The following ZEB1 variants were observed in gnomAD, a reference collection of about 807,000 sequenced individuals.
The protein encoded by ZEB1 is zinc finger E-box-binding homeobox 1.
A neutral mutation model predicts 84.9 loss-of-function variants in ZEB1; 21 were observed. The ratio of observed to expected loss-of-function variants is 0.25; its 90% CI spans 0.18 to 0.36. The LOEUF is 0.36. Among genes scored for constraint, ZEB1 ranks in the 10% least tolerant of loss-of-function variants. The pLI is 1.00. For missense variants in ZEB1, 1,104 were observed against 1,330.2 expected, an observed-to-expected ratio of 0.83 and a Z score of 2.65; for synonymous variants, 420 against 471.1, an observed-to-expected ratio of 0.89 and a Z score of 1.41.
chr10:31,524,655 A>G (rs1235639123), intron 8 of ZEB1, among the ~76,000 whole-genome samples: 1 of 151,760 alleles, frequency 6.6e-6, no homozygotes, highest in African/African-American at 2.4e-5. Context: ...ATTTCCTTTA[A>G]GCTGACACAG....
intron 1 of ZEB1, chr10:31,363,780 C>A (rs1051678620): frequency 2.3e-6 from 3 of 1,309,488 alleles, no homozygotes; most frequent in East Asian, 2.6e-5. Context: ...GACGCAGGAC[C>A]CTCTGTGGGG....
In ZEB1 at chr10:31,361,819, C is replaced by G. The variant is rs371589314; in HGVS notation, c.58+42527C>G. Among the ~76,000 whole-genome samples the G allele has an allele frequency of 8.6e-5, 13 of 150,894 alleles. No individual in the cohort carries two copies. In the East Asian group the frequency reaches 2.0e-3, roughly 23 times the overall value. The stretch of plus-strand genomic sequence containing the variant: ...ACAGGACGGCAGCAGGGCAGAGGCG[C>G]TCCTCATTTCCCAGACGGTGAGGAG... On this transcript the variant is annotated intron_variant, in intron 1 of 8. Transcript: ENST00000424869.
chr10:31,320,637 G>A (rs2033710801), intron 1 of ZEB1: 1 of 152,312 alleles, frequency 6.6e-6, no homozygotes, highest in Non-Finnish European at 1.5e-5. Flanking sequence ...CAGCCCGAGG[G>A]ATCGAGACCT....
intron 1 of ZEB1, among the ~76,000 whole-genome samples, chr10:31,399,538 A>G (rs1317186613): frequency 6.6e-6 from 1 of 152,124 alleles, no homozygotes; most frequent in East Asian, 1.9e-4. Context: ...ATTGCTTACC[A>G]TCTCTACTCC....
At chr10:31,506,355 TA>T (rs2068980395) in intron 4 of ZEB1, among the ~76,000 whole-genome samples, 2 of 151,978 alleles carry the variant, frequency 1.3e-5, no homozygotes, top group African/African-American at 4.8e-5. Context: ...CTAATGCTGA[TA>T]GGGGTGTTGA....
chr10:31,512,597 A>G (rs190769166), intron 5 of ZEB1, among the ~76,000 whole-genome samples: 2 of 152,344 alleles, frequency 1.3e-5, no homozygotes, highest in African/African-American at 4.8e-5. Context: ...TGTTTATTCA[A>G]CAAACATTTG....
Position 31,417,455 on chromosome 10 carries a change from C to G in ZEB1, c.59-43582C>G, listed in dbSNP as rs528931090. Among the ~76,000 whole-genome samples the G allele has an allele frequency of 5.6e-4, 85 of 151,826 alleles. 1 individual carries two copies. The highest frequency in any genetic ancestry group is 1.1e-3 in the Non-Finnish European group (74 of 67,984). ...TCCTGAGAGTATCTAGAGGAAATTGCGTATTCTGGTTAATGAGTGGCTTAT... is the reference window on the plus strand; with the variant it reads ...TCCTGAGAGTATCTAGAGGAAATTGGGTATTCTGGTTAATGAGTGGCTTAT... On this transcript the variant is annotated intron_variant, in intron 1 of 8. Transcript: ENST00000424869.
chr10:31,347,204 CA>C, intron 1 of ZEB1, among the ~76,000 whole-genome samples: 1 of 152,068 alleles, frequency 6.6e-6, no homozygotes, highest in East Asian at 1.9e-4. Flanking sequence ...GAAACTAAAG[CA>C]ATGTATTTCT....
At chr10:31,325,044 T>G (rs1319969035) in intron 1 of ZEB1, among the ~76,000 whole-genome samples, 1 of 152,064 alleles carries the variant, frequency 6.6e-6, no homozygotes, top group African/African-American at 2.4e-5. Flanking sequence ...AATAAAAATT[T>G]CAATATGTTA....
chr10:31,336,574 C>G (rs1037195404), intron 1 of ZEB1, among the ~76,000 whole-genome samples: 11 of 152,046 alleles, frequency 7.2e-5, no homozygotes, highest in Non-Finnish European at 1.3e-4. Context: ...TTTTGTTTCA[C>G]TAATAGATAC....
At chr10:31,448,389 G>A (rs1488240710) in intron 1 of ZEB1, among the ~76,000 whole-genome samples, 11 of 129,774 alleles carry the variant, frequency 8.5e-5, no homozygotes, top group East Asian at 4.5e-4. Flanking sequence ...TAATTTGATC[G>A]TCTGAAGCCT....
intron 4 of ZEB1, among the ~76,000 whole-genome samples, chr10:31,507,541 C>G (rs1294184395): frequency 6.6e-6 from 1 of 151,492 alleles, no homozygotes; most frequent in Non-Finnish European, 1.5e-5. Flanking sequence ...ATTCTTTTTT[C>G]TCTTACTAGG....
At chr10:31,472,373 G>T (rs1402474045) in intron 2 of ZEB1, among the ~76,000 whole-genome samples, 3 of 151,988 alleles carry the variant, frequency 2.0e-5, no homozygotes, top group Admixed American at 2.0e-4. Flanking sequence ...TGATAAAGGG[G>T]ATATCACCAC....
At chr10:31,362,313 T>C (rs1455795460) in intron 1 of ZEB1, among the ~76,000 whole-genome samples, 1 of 148,138 alleles carries the variant, frequency 6.8e-6, no homozygotes, top group African/African-American at 2.5e-5. Flanking sequence ...GCGCCTCACT[T>C]CCCGGACGGG....
At chr10:31,362,604 G>A (rs774867027) in intron 1 of ZEB1, among the ~76,000 whole-genome samples, 6 of 146,442 alleles carry the variant, frequency 4.1e-5, no homozygotes, top group Admixed American at 6.7e-5. Context: ...CCCAGACAGG[G>A]CGGGGGCCGG....
At chr10:31,525,847 A>G (rs1414562552) in intron 8 of ZEB1, among the ~76,000 whole-genome samples, 1 of 152,254 alleles carries the variant, frequency 6.6e-6, no homozygotes, top group Non-Finnish European at 1.5e-5. Flanking sequence ...AAGAAGAGTT[A>G]GAAAATCCCC....
At chr10:31,368,811 TG>T (rs1476730826) in intron 1 of ZEB1, among the ~76,000 whole-genome samples, 6 of 152,184 alleles carry the variant, frequency 3.9e-5, no homozygotes, top group African/African-American at 1.4e-4. Flanking sequence ...GTGGTGGCTG[TG>T]GTGGTGGTAT....
At chr10:31,387,307 TCCTAA>T (rs1312705004) in intron 1 of ZEB1, 2 of 985,638 alleles carry the variant, frequency 2.0e-6, no homozygotes, top group African/African-American at 1.7e-5. Context: ...GGGCCCAGGC[TCCTAA>T]CCTAAGACTG....
At chr10:31,320,972 G>T (rs1256644967) in intron 1 of ZEB1, among the ~76,000 whole-genome samples, 1 of 152,194 alleles carries the variant, frequency 6.6e-6, no homozygotes, top group Non-Finnish European at 1.5e-5. Flanking sequence ...CGGACCGAGG[G>T]GCTCGCTTTG....
Sources: allele counts gnomAD v4.1 joint callset (sites outside exome capture counted in the v4.1 genomes callset), GRCh38; gene constraint gnomAD v4.1.1; transcripts MANE v1.5; gene names NCBI Gene and HGNC (gene_info 2026-07-23, HGNC 2026-07-21).